Variants in LMNTD1 observed in about 807,000 individuals in gnomAD.
LMNTD1 encodes lamin tail domain containing 1, also known as lamin tail domain-containing protein 1.
LMNTD1 carries 35 observed loss-of-function variants against 50.9 expected under a neutral mutation model. The ratio of observed to expected loss-of-function variants is 0.69; its 90% CI spans 0.53 to 0.91. The LOEUF (loss-of-function observed/expected upper bound fraction) is 0.91, where lower values mean the gene tolerates loss of function less well. Among genes scored for constraint, LMNTD1 ranks in the 40% least tolerant of loss-of-function variants. LMNTD1 has a pLI of 0.00. For missense variants in LMNTD1, 470 were observed against 475.5 expected (o/e 0.99, Z 0.11); for synonymous variants, 153 against 161.9 (o/e 0.94, Z 0.42).
chr12:25,648,522 G>A, exon 1 of LMNTD1: 3 of 1,551,652 alleles, frequency 1.9e-6, no homozygotes, highest in Non-Finnish European at 2.6e-6. Flanking sequence ...TGGAAACACC[G>A]ATGTCTCCTG....
chr12:25,520,201 A>G (rs1462726625), intron 6 of LMNTD1, 126 bp from the exon 7 acceptor site: 1 of 207,598 alleles, frequency 4.8e-6, no homozygotes, highest in African/African-American at 2.4e-5. Flanking sequence ...ATGGTGGAGC[A>G]AATTAAGGTA....
chr12:25,528,707 C>G (rs1591920721), intron 4 of LMNTD1, among the ~76,000 whole-genome samples: 1 of 152,144 alleles, frequency 6.6e-6, no homozygotes, highest in Admixed American at 6.5e-5. Context: ...CATAGCCCAC[C>G]CCATTTCCAT....
chr12:25,621,976 G>C (rs1392538348), intron 1 of LMNTD1, among the ~76,000 whole-genome samples: 1 of 152,222 alleles, frequency 6.6e-6, no homozygotes, highest in African/African-American at 2.4e-5. Context: ...GTAGTATTCT[G>C]AGCCAGAGGC....
chr12:25,521,830 G>A (rs890517615), intron 6 of LMNTD1, among the ~76,000 whole-genome samples: 2 of 152,190 alleles, frequency 1.3e-5, no homozygotes, highest in African/African-American at 4.8e-5. Flanking sequence ...AATCCTAGGT[G>A]AGAGTATTAA....
intron 1 of LMNTD1, among the ~76,000 whole-genome samples, chr12:25,609,514 G>T (rs910728408): frequency 1.3e-5 from 2 of 152,168 alleles, no homozygotes; most frequent in Non-Finnish European, 2.9e-5. Context: ...TGGTGTGGAT[G>T]TCCTTTTTGT....
intron 9 of LMNTD1, among the ~76,000 whole-genome samples, chr12:25,491,167 C>CT (rs907056812): frequency 6.6e-6 from 1 of 152,134 alleles, no homozygotes; most frequent in Non-Finnish European, 1.5e-5. Context: ...ATTTTTTCCC[C>CT]TTTTTTCTAT....
intron 1 of LMNTD1, among the ~76,000 whole-genome samples, chr12:25,561,433 T>G (rs959680194): frequency 9.2e-5 from 14 of 152,258 alleles, no homozygotes; most frequent in Non-Finnish European, 2.1e-4. Flanking sequence ...TTGTTCAGTT[T>G]CCATGTAGTT....
In LMNTD1 at chr12:25,518,946, G is replaced by T. The variant is rs143861235; in HGVS notation, c.1038C>A (p.Thr346=). 1.4e-5 allele frequency: 22 copies of T among 1,614,082 alleles called. No homozygotes were observed. Among genetic ancestry groups the T allele is most frequent in the Non-Finnish European group, 1.7e-5 (20 of 1,180,010 alleles). Residue 346 remains threonine (T), a synonymous_variant, in exon 8 of 10, where the codon ACC becomes ACA. Transcript: ENST00000458174. ...ACCAAGGGCTGCGATTAGGGAAAAC[G>T]GTTGGTGGGATTTCCTTCTCTCTGT... ...LLKREKEIPP[T]VFPNRSPWCQ... is the part of the protein sequence containing the mutation.
chr12:25,592,275 G>A (rs182842220), intron 1 of LMNTD1, among the ~76,000 whole-genome samples: 18 of 152,280 alleles, frequency 1.2e-4, no homozygotes, highest in East Asian at 1.9e-4. Flanking sequence ...GGCTTGCATC[G>A]TGAACTATTG....
intron 1 of LMNTD1, among the ~76,000 whole-genome samples, chr12:25,615,028 T>A (rs1946323140): frequency 6.6e-6 from 1 of 152,136 alleles, no homozygotes. Context: ...TGAGACCCTA[T>A]CTGCATCACC....
rs1328841491 is a variant in LMNTD1, at chr12:25,542,360, G to T, written c.491+4014C>A. 1.3e-3 allele frequency among the ~76,000 whole-genome samples: 199 copies of T among 149,974 alleles called. 1 individual carries two copies. Among genetic ancestry groups the T allele is most frequent in the African/African-American group, 4.6e-3 (188 of 40,800 alleles). On this transcript the variant is annotated intron_variant, in intron 4 of 9. Coordinates refer to ENST00000458174, the MANE Select transcript of LMNTD1 (RefSeq NM_001145728.2). ...TGATAGACTGGATTAAGAAAGTGTGGCACATATACACCATGGAATACTATG... is the reference window on the plus strand; with the variant it reads ...TGATAGACTGGATTAAGAAAGTGTGTCACATATACACCATGGAATACTATG...
chr12:25,490,269 T>C (rs1938840241), intron 9 of LMNTD1, among the ~76,000 whole-genome samples: 1 of 152,178 alleles, frequency 6.6e-6, no homozygotes, highest in African/African-American at 2.4e-5. Context: ...GCAAAAGAAC[T>C]AGCAAAACTC....
At chr12:25,541,932 A>G (rs955890281) in intron 4 of LMNTD1, among the ~76,000 whole-genome samples, 10 of 152,114 alleles carry the variant, frequency 6.6e-5, no homozygotes, top group Admixed American at 1.3e-4. Context: ...GACACTTCTC[A>G]AAAGAAGACA....
At chr12:25,591,388 G>A (rs1238230393) in intron 1 of LMNTD1, among the ~76,000 whole-genome samples, 1 of 152,158 alleles carries the variant, frequency 6.6e-6, no homozygotes, top group African/African-American at 2.4e-5. Context: ...GTGGGCCTGT[G>A]GTGGTGGTGG....
chr12:25,520,847 T>C (rs1162677031), intron 6 of LMNTD1, among the ~76,000 whole-genome samples: 1 of 152,204 alleles, frequency 6.6e-6, no homozygotes, highest in Non-Finnish European at 1.5e-5. Context: ...CTTTTCTCCA[T>C]ACTCTCACCA....
intron 1 of LMNTD1, among the ~76,000 whole-genome samples, chr12:25,642,435 A>G (rs189425318): frequency 6.2e-4 from 94 of 152,268 alleles, no homozygotes; most frequent in Non-Finnish European, 1.2e-3. Flanking sequence ...AACCAGAAGG[A>G]GGGCCCTCAC....
intron 1 of LMNTD1, among the ~76,000 whole-genome samples, chr12:25,562,692 G>A (rs533655121): frequency 1.3e-5 from 2 of 152,298 alleles, no homozygotes; most frequent in East Asian, 3.9e-4. Context: ...TGCCTTGCTA[G>A]GTTGAGGAAG....
intron 1 of LMNTD1, among the ~76,000 whole-genome samples, chr12:25,630,199 CAAAT>C (rs1330842646): frequency 6.6e-6 from 1 of 152,090 alleles, no homozygotes; most frequent in East Asian, 1.9e-4. Context: ...AATAAAAAAA[CAAAT>C]AATCAAACAA....
upstream of LMNTD1, among the ~76,000 whole-genome samples, chr12:25,555,673 C>T (rs186381065): frequency 1.1e-4 from 17 of 152,202 alleles, no homozygotes; most frequent in East Asian, 1.9e-3. Flanking sequence ...TCCTCTGTTT[C>T]TAATGAATAC....
Sources: gnomAD v4.1 joint callset for allele counts (sites outside exome capture counted in the v4.1 genomes callset) on GRCh38, gnomAD v4.1.1 for gene constraint, MANE v1.5 for transcripts, NCBI Gene and HGNC (gene_info 2026-07-23, HGNC 2026-07-21) for gene names.